Variants in SHISA9 observed in about 807,000 individuals in gnomAD.
SHISA9 encodes the protein protein shisa-9.
SHISA9 carries 13 observed loss-of-function variants against 38.0 expected under a neutral mutation model. The ratio of observed to expected loss-of-function variants is 0.34; its 90% CI spans 0.22 to 0.54. The LOEUF (loss-of-function observed/expected upper bound fraction) is 0.54. SHISA9 is among the 20% of genes least tolerant of loss of function. SHISA9 has a pLI of 0.91. For missense variants in SHISA9, 538 were observed against 575.8 expected, an observed-to-expected ratio of 0.93 and a Z score of 0.67; for synonymous variants, 275 against 242.0, an observed-to-expected ratio of 1.14 and a Z score of -1.27.
the SHISA9 span, among the ~76,000 whole-genome samples, chr16:13,330,836 C>T: frequency 2.6e-5 from 4 of 152,060 alleles, no homozygotes; most frequent in Non-Finnish European, 4.4e-5. Flanking sequence ...AAAAGGCCAG[C>T]GGGGAATGAT....
chr16:13,049,117 C>A (rs572588581), intron 2 of SHISA9, among the ~76,000 whole-genome samples: 3 of 151,460 alleles, frequency 2.0e-5, no homozygotes, highest in South Asian at 2.1e-4. Flanking sequence ...CTGACAGATC[C>A]AAAGGCTTGA....
At chr16:13,260,596 A>C in the SHISA9 span, among the ~76,000 whole-genome samples, 3 of 152,222 alleles carry the variant, frequency 2.0e-5, no homozygotes, top group East Asian at 5.8e-4. Context: ...ATCTGAGACC[A>C]CCTCAGCCTG....
the SHISA9 span, among the ~76,000 whole-genome samples, chr16:13,467,566 T>C: frequency 6.6e-6 from 1 of 152,232 alleles, no homozygotes; most frequent in Non-Finnish European, 1.5e-5. Flanking sequence ...TTCAACTCCA[T>C]GATCCCGTGA....
chr16:13,432,231 C>A, the SHISA9 span, among the ~76,000 whole-genome samples: 3 of 152,220 alleles, frequency 2.0e-5, no homozygotes, highest in Non-Finnish European at 2.9e-5. Context: ...TATCTGTACA[C>A]TTCCAAGTTC....
intron 4 of SHISA9, among the ~76,000 whole-genome samples, chr16:13,219,003 A>G (rs1467276243): frequency 6.6e-6 from 1 of 152,168 alleles, no homozygotes; most frequent in African/African-American, 2.4e-5. Context: ...GGAAGACAGG[A>G]GGGTGATGTG....
intron 2 of SHISA9, among the ~76,000 whole-genome samples, chr16:13,169,623 A>G (rs562473887): frequency 6.6e-6 from 1 of 152,372 alleles, no homozygotes; most frequent in African/African-American, 2.4e-5. Context: ...CATTTTTAAG[A>G]GGAGGAAAAC....
chr16:13,015,951 T>TTTCCC (rs1567182503), intron 2 of SHISA9, among the ~76,000 whole-genome samples: 2 of 6,328 alleles, frequency 3.2e-4, no homozygotes, highest in Non-Finnish European at 7.5e-4. Flanking sequence ...CCTTCTCTCT[T>TTTCCC]TTCCCTTCCC....
At chr16:13,363,804 C>G in the SHISA9 span, among the ~76,000 whole-genome samples, 1 of 152,170 alleles carries the variant, frequency 6.6e-6, no homozygotes, top group Non-Finnish European at 1.5e-5. Context: ...TAGACGTGCA[C>G]ATTTTCAAAT....
chr16:13,129,473 G>A (rs902652152), intron 2 of SHISA9, among the ~76,000 whole-genome samples: 4 of 152,150 alleles, frequency 2.6e-5, no homozygotes, highest in East Asian at 3.9e-4. Flanking sequence ...ACCAAGCTTC[G>A]TGTGGGAAAC....
At chr16:13,174,866 G>A (rs1274581913) in intron 2 of SHISA9, among the ~76,000 whole-genome samples, 2 of 152,182 alleles carry the variant, frequency 1.3e-5, no homozygotes, top group African/African-American at 2.4e-5. Context: ...GACTCCTTAT[G>A]TGGGGAAAGG....
chr16:13,171,297 A>C (rs1016723709), intron 2 of SHISA9, among the ~76,000 whole-genome samples: 1 of 152,184 alleles, frequency 6.6e-6, no homozygotes, highest in Admixed American at 6.5e-5. Context: ...TGGGGATCAC[A>C]TTTCAACATG....
chr16:13,145,459 G>A (rs547705795), intron 2 of SHISA9, among the ~76,000 whole-genome samples: 4 of 152,242 alleles, frequency 2.6e-5, no homozygotes, highest in Non-Finnish European at 4.4e-5. Flanking sequence ...CCCGGGAGGC[G>A]GGAGTTGCAG....
chr16:12,902,098 T>C lies in SHISA9; in HGVS notation c.34T>C (p.Phe12Leu). 2.0e-6 allele frequency: 3 copies of C among 1,496,342 alleles called. No homozygotes were observed. Among genetic ancestry groups the C allele is most frequent in the Non-Finnish European group, 2.7e-6 (3 of 1,131,514 alleles). 92.7% of individuals were successfully genotyped at this position (1,496,342 alleles called of 1,614,324 possible). A position where few individuals can be genotyped will look rare whatever the true frequency, so the allele number is the denominator to read the frequency against. ...CGTCCTTCGGCTGCTCCTCGGTTGC[T>C]TCCTCACCGAGCTGTGCGCCCGCGT... Reference protein sequence around the residue: ...RRVLRLLLGCFLTELCARVCR... With the variant: ...RRVLRLLLGCLLTELCARVCR... Residue 12 changes from phenylalanine to leucine, a missense_variant, in exon 1 of 5, where the codon TTC becomes CTC. By Grantham distance (22) the Phe-to-Leu change is conservative (BLOSUM62 0). Transcript: ENST00000558583.
At chr16:13,052,959 CTTTTTTTTTT>C (rs925020167) in intron 2 of SHISA9, among the ~76,000 whole-genome samples, 3 of 106,082 alleles carry the variant, frequency 2.8e-5, no homozygotes, top group African/African-American at 1.1e-4. Context: ...TCCTTCCTTT[CTTTTTTTTTT>C]TTTTTTTTTT....
chr16:13,063,982 G>T, intron 2 of SHISA9, among the ~76,000 whole-genome samples: 1 of 152,218 alleles, frequency 6.6e-6, no homozygotes, highest in East Asian at 1.9e-4. Context: ...CCAGGCCTAA[G>T]CAGGCTTTGT....
At chr16:13,023,024 T>G (rs942325351) in intron 2 of SHISA9, among the ~76,000 whole-genome samples, 1 of 152,240 alleles carries the variant, frequency 6.6e-6, no homozygotes, top group Admixed American at 6.5e-5. Flanking sequence ...TTTTATTTAT[T>G]TATTTTTTAT....
the SHISA9 span, among the ~76,000 whole-genome samples, chr16:13,313,953 A>G: frequency 6.6e-6 from 1 of 152,068 alleles, no homozygotes; most frequent in African/African-American, 2.4e-5. Context: ...AGTTTTCTAT[A>G]CTCTCTGTGT....
At chr16:13,266,121 G>A in the SHISA9 span, among the ~76,000 whole-genome samples, 1 of 152,164 alleles carries the variant, frequency 6.6e-6, no homozygotes, top group African/African-American at 2.4e-5. Flanking sequence ...CATGCACATA[G>A]TTAAAAGCAT....
At chr16:13,004,226 G>T (rs2072566432) in intron 2 of SHISA9, among the ~76,000 whole-genome samples, 1 of 152,212 alleles carries the variant, frequency 6.6e-6, no homozygotes, top group African/African-American at 2.4e-5. Context: ...AATCCTTAGT[G>T]ACCAACTTGT....
Sources: gnomAD v4.1 joint callset for allele counts (sites outside exome capture counted in the v4.1 genomes callset) on GRCh38, gnomAD v4.1.1 for gene constraint, MANE v1.5 for transcripts, NCBI Gene and HGNC (gene_info 2026-07-23, HGNC 2026-07-21) for gene names.